Variants in MSRA observed in about 807,000 individuals in gnomAD.
MSRA encodes mitochondrial peptide methionine sulfoxide reductase.
A neutral mutation model predicts 31.3 loss-of-function variants in MSRA; 54 were observed. That is an observed-to-expected ratio of 1.73 (90% CI 1.39 to 2.17). The LOEUF (loss-of-function observed/expected upper bound fraction) is 2.17, where lower values mean the gene tolerates loss of function less well. MSRA is among the 30% of genes most tolerant of loss of function. The pLI is 0.00. For synonymous variants in MSRA, 169 were observed against 116.5 expected (o/e 1.45, Z -2.90); for missense variants, 507 against 300.9 (o/e 1.69, Z -5.07).
chr8:10,397,826 T>C (rs1426200311), intron 5 of MSRA, among the ~76,000 whole-genome samples: 2 of 152,230 alleles, frequency 1.3e-5, no homozygotes, highest in African/African-American at 4.8e-5. Context: ...TCATAGTCTT[T>C]AGAACTTTTT....
intron 2 of MSRA, among the ~76,000 whole-genome samples, chr8:10,220,690 G>A (rs1810409856): frequency 6.6e-6 from 1 of 152,160 alleles, no homozygotes; most frequent in African/African-American, 2.4e-5. Context: ...GTGGGAGCCT[G>A]CGTCCATCTT....
At chr8:10,258,726 G>A (rs1209479842) in intron 3 of MSRA, among the ~76,000 whole-genome samples, 2 of 152,148 alleles carry the variant, frequency 1.3e-5, no homozygotes, top group Non-Finnish European at 2.9e-5. Flanking sequence ...CTTCCCTGAT[G>A]GTTTAAAGAG....
intron 5 of MSRA, among the ~76,000 whole-genome samples, chr8:10,397,125 G>A (rs187721957): frequency 1.3e-5 from 2 of 152,294 alleles, no homozygotes; most frequent in South Asian, 2.1e-4. Flanking sequence ...TCTATGATCC[G>A]CAGGTGTGGG....
At chr8:10,344,275 A>T (rs1330296158) in intron 5 of MSRA, among the ~76,000 whole-genome samples, 1 of 152,108 alleles carries the variant, frequency 6.6e-6, no homozygotes, top group Non-Finnish European at 1.5e-5. Context: ...TTCACCTCTA[A>T]TGGTGGACTA....
chr8:10,416,679 G>A (rs192073286), intron 5 of MSRA, among the ~76,000 whole-genome samples: 2 of 152,204 alleles, frequency 1.3e-5, no homozygotes, highest in East Asian at 1.9e-4. Context: ...CACTTGTGCC[G>A]TTGACCACAC....
chr8:10,389,790 C>CTTTTTTTTTTTTT (rs55769720), intron 5 of MSRA, among the ~76,000 whole-genome samples: 1 of 123,400 alleles, frequency 8.1e-6, no homozygotes, highest in Non-Finnish European at 1.6e-5. Context: ...GAAACTTACT[C>CTTTTTTTTTTTTT]TTTTTTTTTT....
intron 1 of MSRA, among the ~76,000 whole-genome samples, chr8:10,156,287 T>C (rs1176572611): frequency 6.6e-6 from 1 of 152,210 alleles, no homozygotes; most frequent in African/African-American, 2.4e-5. Flanking sequence ...TGTTGGATGA[T>C]GGTATTGAAT....
intron 1 of MSRA, among the ~76,000 whole-genome samples, chr8:10,137,864 A>G (rs1308907294): frequency 6.6e-6 from 1 of 152,182 alleles, no homozygotes; most frequent in Non-Finnish European, 1.5e-5. Context: ...TTATTACTGT[A>G]GAGGCATGTT....
At chr8:10,203,577 TAAAC>T (rs1808686794) in intron 1 of MSRA, among the ~76,000 whole-genome samples, 1 of 152,222 alleles carries the variant, frequency 6.6e-6, no homozygotes, top group African/African-American at 2.4e-5. Context: ...CACACTGTTG[TAAAC>T]AAACCTACTG....
At chr8:10,216,578 C>T (rs1810010409) in intron 2 of MSRA, among the ~76,000 whole-genome samples, 1 of 152,190 alleles carries the variant, frequency 6.6e-6, no homozygotes, top group Admixed American at 6.5e-5. Flanking sequence ...ACCGTCTAGT[C>T]CTCCTTCCCC....
intron 1 of MSRA, among the ~76,000 whole-genome samples, chr8:10,083,511 C>T (rs814422): frequency 0.21 from 32,644 of 152,010 alleles, 3,696 homozygotes; most frequent in East Asian, 0.39. Flanking sequence ...AGTTTTTCTC[C>T]AGGGAAATAA....
intron 5 of MSRA, chr8:10,337,816 T>A: frequency 1.4e-6 from 1 of 702,576 alleles, no homozygotes; most frequent in South Asian, 1.5e-5. Context: ...AAAGCAATAT[T>A]ATTAGTATGC....
chr8:10,124,121 G>C (rs1488145602), intron 1 of MSRA, among the ~76,000 whole-genome samples: 1 of 152,042 alleles, frequency 6.6e-6, no homozygotes, highest in Non-Finnish European at 1.5e-5. Flanking sequence ...AAAGACCACT[G>C]GATCAGAAGA....
At chr8:10,303,943 A>T (rs1800987649) in intron 4 of MSRA, among the ~76,000 whole-genome samples, 1 of 151,846 alleles carries the variant, frequency 6.6e-6, no homozygotes, top group African/African-American at 2.4e-5. Context: ...TTTTTATTTT[A>T]TTATTTTTTT....
At position 10,156,914 on chromosome 8, in the gene MSRA, C is replaced by T. The variant is rs550819791; in HGVS notation, c.143-50919C>T. Among the ~76,000 whole-genome samples, 5 of 148,504 alleles carry T rather than the reference C, an allele frequency of 3.4e-5. No individual in the cohort carries two copies. In the South Asian group the frequency reaches 6.6e-4, roughly 20 times the overall value. On this transcript the variant is annotated intron_variant, in intron 1 of 5. Coordinates refer to ENST00000317173, the MANE Select transcript of MSRA (RefSeq NM_012331.5). ...CATGGTAAGTAAAGTAACATGGGAG[C>T]GCATAACAATACCTGTCATTTATGA...
chr8:10,172,617 C>T (rs1193909829), intron 1 of MSRA, among the ~76,000 whole-genome samples: 1 of 152,000 alleles, frequency 6.6e-6, no homozygotes, highest in Non-Finnish European at 1.5e-5. Flanking sequence ...CTTAAGGGGG[C>T]AAAAGAAATG....
intron 1 of MSRA, among the ~76,000 whole-genome samples, chr8:10,174,658 C>T (rs1183121045): frequency 6.6e-6 from 1 of 152,148 alleles, no homozygotes; most frequent in Non-Finnish European, 1.5e-5. Flanking sequence ...CCCAGCCTGT[C>T]TGCAGTCTTG....
intron 1 of MSRA, among the ~76,000 whole-genome samples, chr8:10,168,750 G>A (rs1051407350): frequency 6.6e-6 from 1 of 152,152 alleles, no homozygotes; most frequent in African/African-American, 2.4e-5. Context: ...TCACAGCCCA[G>A]CCTCCCATCC....
chr8:10,309,440 T>A (rs1174413494), intron 4 of MSRA, among the ~76,000 whole-genome samples: 3 of 152,252 alleles, frequency 2.0e-5, no homozygotes, highest in Non-Finnish European at 4.4e-5. Flanking sequence ...TGTCTTGTTC[T>A]TTCGTGAATC....
Sources: gnomAD v4.1 joint callset for allele counts (sites outside exome capture counted in the v4.1 genomes callset) on GRCh38, gnomAD v4.1.1 for gene constraint, MANE v1.5 for transcripts, NCBI Gene and HGNC (gene_info 2026-07-23, HGNC 2026-07-21) for gene names.